The following PARP8 variants were observed in gnomAD, a reference collection of about 807,000 sequenced individuals.
The protein encoded by PARP8 is protein mono-ADP-ribosyltransferase PARP8.
A neutral mutation model predicts 124.1 loss-of-function variants in PARP8; 51 were observed. That is an observed-to-expected ratio of 0.41 (90% CI 0.33 to 0.52). PARP8 has a LOEUF of 0.52. Ranked by LOEUF, PARP8 falls within the 20% of genes least tolerant of loss-of-function variation. The pLI, the probability that PARP8 is intolerant of heterozygous loss-of-function variation, is 0.21. For missense variants in PARP8, 860 were observed against 1,018.9 expected, an observed-to-expected ratio of 0.84 and a Z score of 2.12; for synonymous variants, 391 against 361.5, an observed-to-expected ratio of 1.08 and a Z score of -0.93.
At position 50,843,190 on chromosome 5, in the gene PARP8, T is replaced by C. The variant is rs1290659970; in HGVS notation, c.*1122T>C. The C allele has an allele frequency of 6.6e-6, 1 of 151,764 alleles. No individual in the cohort carries two copies. The highest frequency in any genetic ancestry group is 6.6e-5 in the Admixed American group (1 of 15,174). The allele number at this position is 151,764 out of a possible 1,614,324, so 9.4% of individuals were successfully genotyped here. On this transcript the variant is annotated 3_prime_UTR_variant, in exon 26 of 26. Coordinates refer to ENST00000281631, the MANE Select transcript of PARP8 (RefSeq NM_024615.4). ...AGCATTTCCTTTTCAAGAGTCATAA[T>C]TTCATCAAAATCATTTCTTATTCTT... is the stretch of plus-strand genomic sequence containing the variant.
At chr5:50,812,587 C>T (rs1012830705) in intron 14 of PARP8, among the ~76,000 whole-genome samples, 4 of 152,102 alleles carry the variant, frequency 2.6e-5, no homozygotes, top group African/African-American at 9.7e-5. Context: ...TGCAGAAGCT[C>T]TTTAGTTTAA....
At chr5:50,759,850 C>G in intron 4 of PARP8, 118 bp downstream of exon 4, 1 of 1,174,088 alleles carries the variant, frequency 8.5e-7, no homozygotes, top group Non-Finnish European at 1.1e-6. Flanking sequence ...GTCTATAAAT[C>G]CAGTCTCCAT....
At chr5:50,785,149 A>G (rs1025883640) in intron 9 of PARP8, among the ~76,000 whole-genome samples, 4 of 152,078 alleles carry the variant, frequency 2.6e-5, no homozygotes, top group African/African-American at 7.2e-5. Flanking sequence ...AACTCTTAGT[A>G]TATTCCAAAA....
At chr5:50,725,077 GTA>G (rs141434751) in intron 2 of PARP8, among the ~76,000 whole-genome samples, 132,494 of 148,234 alleles carry the variant, frequency 0.89, 59,231 homozygotes, top group East Asian at 1. Flanking sequence ...GTGTGTATGT[GTA>G]TATATATATA....
At chr5:50,668,577 A>G (rs1561218926) in intron 2 of PARP8, 1 of 154,686 alleles carries the variant, frequency 6.5e-6, no homozygotes, top group Non-Finnish European at 1.4e-5. Flanking sequence ...GCAGCCTGCC[A>G]ATTCTCTGTA....
intron 2 of PARP8, among the ~76,000 whole-genome samples, chr5:50,748,724 A>G (rs1758889745): frequency 6.6e-6 from 1 of 152,084 alleles, no homozygotes; most frequent in African/African-American, 2.4e-5. Context: ...TGTGTGTAAT[A>G]TGTCGTTTTA....
At chr5:50,692,535 T>A (rs567791769) in intron 2 of PARP8, among the ~76,000 whole-genome samples, 1 of 152,142 alleles carries the variant, frequency 6.6e-6, no homozygotes, top group South Asian at 2.1e-4. Flanking sequence ...TTTTTTTTTC[T>A]TCTTTGTTAG....
chr5:50,697,039 C>A (rs989029306), intron 2 of PARP8, among the ~76,000 whole-genome samples: 31 of 151,982 alleles, frequency 2.0e-4, no homozygotes, highest in African/African-American at 7.5e-4. Context: ...GAGGCTGAGG[C>A]GGGTGGATCA....
At chr5:50,765,819 A>G (rs778433109) in intron 7 of PARP8, among the ~76,000 whole-genome samples, 3 of 152,222 alleles carry the variant, frequency 2.0e-5, no homozygotes, top group Non-Finnish European at 4.4e-5. Flanking sequence ...AGAGGTGGGT[A>G]GTTAGGCAGA....
intron 2 of PARP8, among the ~76,000 whole-genome samples, chr5:50,748,117 G>A (rs1199116929): frequency 2.0e-5 from 3 of 151,292 alleles, no homozygotes; most frequent in Non-Finnish European, 4.4e-5. Context: ...CTCCTTTCCT[G>A]CTTTCTTTTG....
chr5:50,670,301 A>G (rs1192877080), intron 2 of PARP8, among the ~76,000 whole-genome samples: 2 of 152,164 alleles, frequency 1.3e-5, no homozygotes, highest in African/African-American at 4.8e-5. Context: ...GATTATCTCT[A>G]TTTGTATTTA....
chr5:50,801,069 A>G (rs1743165082), intron 14 of PARP8, among the ~76,000 whole-genome samples: 1 of 151,886 alleles, frequency 6.6e-6, no homozygotes, highest in Non-Finnish European at 1.5e-5. Flanking sequence ...AAAATTTTTA[A>G]TTTATGAATT....
chr5:50,831,220 C>G (rs1165586044), intron 22 of PARP8, among the ~76,000 whole-genome samples: 1 of 152,042 alleles, frequency 6.6e-6, no homozygotes, highest in Non-Finnish European at 1.5e-5. Flanking sequence ...ATTCAAGTAA[C>G]TATTGCTGTT....
chr5:50,806,023 T>G (rs994356307), intron 14 of PARP8, among the ~76,000 whole-genome samples: 27 of 152,212 alleles, frequency 1.8e-4, no homozygotes, highest in African/African-American at 6.5e-4. Flanking sequence ...GCTTGTTCCA[T>G]AGCATTGCCA....
intron 14 of PARP8, among the ~76,000 whole-genome samples, chr5:50,798,961 C>G (rs1742881331): frequency 6.6e-6 from 1 of 152,158 alleles, no homozygotes; most frequent in East Asian, 1.9e-4. Context: ...TTTATGTATT[C>G]TGAATACTTT....
rs756272743 is a variant in PARP8 at position 50,795,247 on chromosome 5, T to C, written c.1258T>C (p.Leu420=). Reference sequence around the variant, plus strand: ...CTCTAGTAATCTCAGAATGGAAGAATTATATGGACTGAAAAATCACAAATT... The same window carrying C: ...CTCTAGTAATCTCAGAATGGAAGAACTATATGGACTGAAAAATCACAAATT... ...SYSSNLRMEE[L]YGLKNHKLLS... The change falls in exon 12 of 26, where the codon TTA becomes CTA. Residue 420 remains leucine (L), a synonymous_variant. Coordinates refer to ENST00000281631, the MANE Select transcript of PARP8 (RefSeq NM_024615.4). 1.2e-5 allele frequency: 19 copies of C among 1,614,122 alleles called. No homozygotes were observed. Among genetic ancestry groups the C allele is most frequent in the Non-Finnish European group, 1.6e-5 (19 of 1,180,010 alleles).
At chr5:50,773,752 G>A (rs1322545100) in intron 7 of PARP8, among the ~76,000 whole-genome samples, 1 of 151,898 alleles carries the variant, frequency 6.6e-6, no homozygotes, top group Admixed American at 6.6e-5. Flanking sequence ...CTGGAGTATG[G>A]ATGTTTTAAT....
intron 2 of PARP8, among the ~76,000 whole-genome samples, chr5:50,685,568 A>G (rs1408091450): frequency 6.6e-6 from 1 of 152,206 alleles, no homozygotes; most frequent in African/African-American, 2.4e-5. Flanking sequence ...TGAGGAAGAT[A>G]TGATATAGTA....
intron 2 of PARP8, chr5:50,669,656 T>C (rs1178303156): frequency 6.6e-6 from 1 of 152,210 alleles, no homozygotes; most frequent in Non-Finnish European, 1.5e-5. Flanking sequence ...TGGACTCTAG[T>C]GTTAACATAG....
Sources: allele counts gnomAD v4.1 joint callset (sites outside exome capture counted in the v4.1 genomes callset), GRCh38; gene constraint gnomAD v4.1.1; transcripts MANE v1.5; gene names NCBI Gene and HGNC (gene_info 2026-07-23, HGNC 2026-07-21).